Variants in MYH16 observed in about 807,000 individuals in gnomAD.
MYH16 encodes the protein myosin heavy chain 16.
At chr7:99,267,553 A>G (rs990006336) in intron 18 of MYH16, among the ~76,000 whole-genome samples, 3 of 152,174 alleles carry the variant, frequency 2.0e-5, no homozygotes, top group African/African-American at 7.2e-5. Context: ...TCCAAGAATA[A>G]AAAGGGCCAA....
intron 23 of MYH16, among the ~76,000 whole-genome samples, chr7:99,281,702 C>T (rs773024280): frequency 1.3e-5 from 2 of 152,194 alleles, no homozygotes; most frequent in Non-Finnish European, 2.9e-5. Context: ...GCCTAAGACA[C>T]TGTGGCAACA....
At chr7:99,278,368 G>A (rs377087651) in intron 21 of MYH16, among the ~76,000 whole-genome samples, 1 of 152,078 alleles carries the variant, frequency 6.6e-6, no homozygotes, top group East Asian at 1.9e-4. Context: ...TGGAGTCAGG[G>A]CTGGGCTCTG....
intron 14 of MYH16, among the ~76,000 whole-genome samples, chr7:99,263,861 G>A (rs1028420184): frequency 6.6e-6 from 1 of 152,164 alleles, no homozygotes; most frequent in Admixed American, 6.5e-5. Context: ...GGAATGCTCT[G>A]GTGGATGCTG....
chr7:99,254,528 T>C (rs1216991173), intron 8 of MYH16, among the ~76,000 whole-genome samples: 2 of 152,226 alleles, frequency 1.3e-5, no homozygotes, highest in Non-Finnish European at 2.9e-5. Context: ...AGTGCTTGCA[T>C]GCAGTCCCAG....
chr7:99,293,720 A>G (rs1200227903), intron 32 of MYH16, among the ~76,000 whole-genome samples: 2 of 152,176 alleles, frequency 1.3e-5, no homozygotes, highest in Non-Finnish European at 2.9e-5. Flanking sequence ...GCCTCCTCCC[A>G]GCTCCAGAAC....
chr7:99,281,618 A>G (rs1459307811), intron 23 of MYH16, among the ~76,000 whole-genome samples: 2 of 152,176 alleles, frequency 1.3e-5, no homozygotes, highest in African/African-American at 4.8e-5. Context: ...CACTGGAGAA[A>G]GTATGCTCAC....
chr7:99,257,213 G>A (rs756516895), intron 9 of MYH16: 5 of 152,682 alleles, frequency 3.3e-5, no homozygotes, highest in African/African-American at 7.2e-5. Context: ...GTGGCCCTTC[G>A]GCATGGCCCC....
At chr7:99,248,812 G>C (rs1008036085) in intron 3 of MYH16, among the ~76,000 whole-genome samples, 1 of 152,222 alleles carries the variant, frequency 6.6e-6, no homozygotes, top group Admixed American at 6.5e-5. Context: ...ACACTGCAGG[G>C]ATGGGCACGT....
At chr7:99,249,404 T>G (rs1362732858) in intron 4 of MYH16, among the ~76,000 whole-genome samples, 1 of 151,424 alleles carries the variant, frequency 6.6e-6, no homozygotes, top group Non-Finnish European at 1.5e-5. Flanking sequence ...CCAGGTATGG[T>G]GGTGCACACC....
At chr7:99,282,802 T>A in intron 23 of MYH16, among the ~76,000 whole-genome samples, 1 of 150,496 alleles carries the variant, frequency 6.6e-6, no homozygotes, top group Admixed American at 6.6e-5. Flanking sequence ...TGTACTCCAG[T>A]CTGAGTGACA....
Position 99,269,865 on chromosome 7 carries a change from C to CTT in MYH16, n.2267-1067_2267-1066dup, listed in dbSNP as rs983455403. Among the ~76,000 whole-genome samples the CTT allele has an allele frequency of 3.9e-3, 421 of 107,708 alleles. 20 individuals carry two copies. Among genetic ancestry groups the CTT allele is most frequent in the African/African-American group, 9.1e-3 (220 of 24,232 alleles). 70.7% of individuals were successfully genotyped at this position (107,708 alleles called of 152,430 possible). On this transcript the variant is annotated intron_variant and non_coding_transcript_variant, in intron 18 of 41. Coordinates refer to ENST00000439784, the Ensembl canonical transcript of MYH16. ...TATACATTAGACTCATCTGGGGACACTTTTTTTTTTTTTTTTTTTTTTTTT... is the reference window on the plus strand; with the variant it reads ...TATACATTAGACTCATCTGGGGACACTTTTTTTTTTTTTTTTTTTTTTTTTTT...
chr7:99,254,419 G>T (rs755784081), intron 8 of MYH16, among the ~76,000 whole-genome samples: 9 of 152,174 alleles, frequency 5.9e-5, no homozygotes, highest in Non-Finnish European at 1.0e-4. Context: ...AAACTGAGAT[G>T]TGAGGCTTTA....
At chr7:99,248,620 T>C (rs1262416855) in intron 3 of MYH16, among the ~76,000 whole-genome samples, 1 of 152,068 alleles carries the variant, frequency 6.6e-6, no homozygotes, top group African/African-American at 2.4e-5. Context: ...GGTCTTAAAC[T>C]CCTGGGCTCC....
chr7:99,294,417 A>G (rs546205979), intron 33 of MYH16, among the ~76,000 whole-genome samples: 2 of 150,552 alleles, frequency 1.3e-5, no homozygotes, highest in Middle Eastern at 3.4e-3. Flanking sequence ...CTCTAATCCC[A>G]ACACACTGGG....
chr7:99,264,076 G>A (rs533761214), intron 14 of MYH16, among the ~76,000 whole-genome samples: 5 of 152,242 alleles, frequency 3.3e-5, no homozygotes, highest in South Asian at 2.1e-4. Context: ...TAGCCAGCCC[G>A]TTTGATCACT....
intron 33 of MYH16, among the ~76,000 whole-genome samples, chr7:99,295,315 T>C (rs550704186): frequency 8.0e-5 from 12 of 150,766 alleles, no homozygotes; most frequent in Non-Finnish European, 4.4e-5. Context: ...GGAGGTGGAG[T>C]TGCAGTGAGC....
At chr7:99,274,964 A>C (rs1792091470) in intron 20 of MYH16, among the ~76,000 whole-genome samples, 1 of 150,526 alleles carries the variant, frequency 6.6e-6, no homozygotes, top group Admixed American at 6.6e-5. Flanking sequence ...GATGTGAGTC[A>C]TTGCACCTGG....
intron 36 of MYH16, among the ~76,000 whole-genome samples, chr7:99,299,089 A>T (rs1792549340): frequency 2.0e-5 from 3 of 151,472 alleles, no homozygotes; most frequent in Admixed American, 2.0e-4. Context: ...ATAAAAATAA[A>T]AAAAAAAAAT....
chr7:99,266,671 C>T (rs933529643), intron 17 of MYH16, among the ~76,000 whole-genome samples: 3 of 152,252 alleles, frequency 2.0e-5, no homozygotes, highest in Non-Finnish European at 4.4e-5. Context: ...CACTCCCAAG[C>T]TGTAGCCCTT....
Sources: gnomAD v4.1 joint callset for allele counts (sites outside exome capture counted in the v4.1 genomes callset) on GRCh38, gnomAD v4.1.1 for gene constraint, MANE v1.5 for transcripts, NCBI Gene and HGNC (gene_info 2026-07-23, HGNC 2026-07-21) for gene names.